Variants in TENM4 observed in about 807,000 individuals in gnomAD.
The protein encoded by TENM4 is teneurin transmembrane protein 4, also known as teneurin-4.
A neutral mutation model predicts 243.3 loss-of-function variants in TENM4; 82 were observed. The observed-to-expected ratio is 0.34, with a 90% confidence interval of 0.28 to 0.40. TENM4 has a LOEUF of 0.40. Ranked by LOEUF, TENM4 falls within the 10% of genes least tolerant of loss-of-function variation. The pLI, the probability that TENM4 is intolerant of heterozygous loss-of-function variation, is 1.00. For missense variants in TENM4, 3,138 were observed against 3,673.3 expected (o/e 0.85, Z 3.77); for synonymous variants, 1,412 against 1,456.3 (o/e 0.97, Z 0.69).
chr11:78,839,589 A>G (rs965854660), intron 12 of TENM4, among the ~76,000 whole-genome samples: 5 of 152,162 alleles, frequency 3.3e-5, no homozygotes, highest in Admixed American at 6.5e-5. Context: ...CTTCACAAAT[A>G]ACGATGACTT....
At chr11:79,207,781 G>A (rs770355393) in intron 3 of TENM4, among the ~76,000 whole-genome samples, 11 of 148,750 alleles carry the variant, frequency 7.4e-5, no homozygotes, top group Non-Finnish European at 1.3e-4. Context: ...TAGGAGGATC[G>A]CTTGAGCCCA....
At position 78,786,137 on chromosome 11, in the gene TENM4, G is replaced by A. The variant is rs190647478; in HGVS notation, c.2365+761C>T. On this transcript the variant is annotated intron_variant, in intron 16 of 33. Coordinates refer to ENST00000278550, the MANE Select transcript of TENM4 (RefSeq NM_001098816.3). ...GGCTGAGTTTAAAATCAACAAAACC[G>A]GCAGGAAAGGCAGAAGGAAGGGAAC... 2.4e-3 allele frequency among the ~76,000 whole-genome samples: 369 copies of A among 152,320 alleles called. 2 individuals carry two copies. Among genetic ancestry groups the A allele is most frequent in the African/African-American group, 8.2e-3 (340 of 41,568 alleles).
At chr11:78,749,507 C>T (rs1178129814) in intron 19 of TENM4, among the ~76,000 whole-genome samples, 2 of 152,224 alleles carry the variant, frequency 1.3e-5, no homozygotes, top group South Asian at 2.1e-4. Context: ...CTCTGCTGCT[C>T]GCCCTCTTGA....
chr11:79,105,430 C>T (rs1008978151), intron 4 of TENM4, among the ~76,000 whole-genome samples: 2 of 152,206 alleles, frequency 1.3e-5, no homozygotes, highest in Non-Finnish European at 2.9e-5. Context: ...ATCCAATTCT[C>T]CCCAGCCCTC....
At chr11:79,326,281 C>T (rs957109868) in intron 1 of TENM4, among the ~76,000 whole-genome samples, 3 of 152,130 alleles carry the variant, frequency 2.0e-5, no homozygotes, top group Non-Finnish European at 4.4e-5. Context: ...TTCCATTTCT[C>T]CTATACACAT....
At chr11:79,238,958 G>A (rs1864534998) in intron 2 of TENM4, among the ~76,000 whole-genome samples, 1 of 152,186 alleles carries the variant, frequency 6.6e-6, no homozygotes, top group African/African-American at 2.4e-5. Flanking sequence ...CTGGAAGGCA[G>A]GGGTTGCAGT....
intron 4 of TENM4, among the ~76,000 whole-genome samples, chr11:79,126,974 C>A (rs1374966507): frequency 6.6e-6 from 1 of 152,196 alleles, no homozygotes; most frequent in East Asian, 1.9e-4. Context: ...CATTGTGATC[C>A]TCCAGTTAAA....
chr11:79,404,324 A>C (rs1343114569), intron 1 of TENM4, among the ~76,000 whole-genome samples: 1 of 152,236 alleles, frequency 6.6e-6, no homozygotes, highest in Non-Finnish European at 1.5e-5. Flanking sequence ...ACCAAATGGC[A>C]AAGGGGAAAA....
intron 1 of TENM4, among the ~76,000 whole-genome samples, chr11:79,345,302 A>G (rs1857308174): frequency 1.3e-5 from 2 of 152,148 alleles, no homozygotes; most frequent in South Asian, 4.1e-4. Context: ...GGGTTTTCCT[A>G]TTCCTGAATT....
At chr11:78,771,271 G>T in intron 17 of TENM4, 133 bp from the exon 18 acceptor site, 4 of 1,151,190 alleles carry the variant, frequency 3.5e-6, no homozygotes, top group Non-Finnish European at 4.9e-6. Flanking sequence ...GCAGCCCAGG[G>T]AGGTAGGTAT....
chr11:78,825,150 G>A (rs1475861764), intron 12 of TENM4, among the ~76,000 whole-genome samples: 4 of 152,206 alleles, frequency 2.6e-5, no homozygotes, highest in Admixed American at 1.3e-4. Context: ...GAGGAGCACT[G>A]GGAAGGCTTT....
intron 1 of TENM4, among the ~76,000 whole-genome samples, chr11:79,346,060 T>C (rs1373049429): frequency 1.3e-5 from 2 of 152,168 alleles, no homozygotes; most frequent in African/African-American, 4.8e-5. Context: ...GACGACCTGA[T>C]CTCAGTCTGA....
intron 16 of TENM4, among the ~76,000 whole-genome samples, chr11:78,784,523 A>G (rs1046221515): frequency 4.6e-5 from 7 of 152,256 alleles, no homozygotes; most frequent in African/African-American, 1.4e-4. Context: ...CTCACCACAC[A>G]ATGAGAGGTA....
chr11:79,234,325 A>G (rs1211864115), intron 2 of TENM4, among the ~76,000 whole-genome samples: 1 of 152,218 alleles, frequency 6.6e-6, no homozygotes, highest in Non-Finnish European at 1.5e-5. Flanking sequence ...AAGCTATAGA[A>G]AAAGCGAAGG....
chr11:78,781,778 C>T (rs896401708), intron 16 of TENM4, among the ~76,000 whole-genome samples: 8 of 152,108 alleles, frequency 5.3e-5, no homozygotes, highest in East Asian at 1.9e-4. Context: ...GAACTTCTTT[C>T]GGATGGGTGA....
intron 4 of TENM4, among the ~76,000 whole-genome samples, chr11:79,113,497 T>C (rs1327470626): frequency 6.6e-6 from 1 of 150,856 alleles, no homozygotes; most frequent in East Asian, 2.0e-4. Flanking sequence ...CCCTCTGCAA[T>C]CCACAACACT....
intron 25 of TENM4, among the ~76,000 whole-genome samples, chr11:78,713,097 T>C (rs1484376780): frequency 1.3e-5 from 2 of 152,170 alleles, no homozygotes; most frequent in African/African-American, 2.4e-5. Context: ...GCTAGAAGGA[T>C]GGATGCTCTT....
chr11:78,850,516 T>G (rs1324031632), intron 12 of TENM4, among the ~76,000 whole-genome samples: 1 of 152,134 alleles, frequency 6.6e-6, no homozygotes, highest in Non-Finnish European at 1.5e-5. Flanking sequence ...TACTCATAGC[T>G]CACAAGTAAT....
At chr11:79,163,158 G>C (rs1026106853) in intron 3 of TENM4, among the ~76,000 whole-genome samples, 3 of 152,174 alleles carry the variant, frequency 2.0e-5, no homozygotes, top group Admixed American at 6.5e-5. Context: ...CAATGGCACA[G>C]ACGATCTGAG....
Sources: allele counts gnomAD v4.1 joint callset (sites outside exome capture counted in the v4.1 genomes callset), GRCh38; gene constraint gnomAD v4.1.1; transcripts MANE v1.5; gene names NCBI Gene and HGNC (gene_info 2026-07-23, HGNC 2026-07-21).